The following DLG2 variants were observed in gnomAD, a reference collection of about 807,000 sequenced individuals.
The protein encoded by DLG2 is disks large homolog 2.
In DLG2, 45 loss-of-function variants were observed where a neutral mutation model predicts 132.5. The ratio of observed to expected loss-of-function variants is 0.34; its 90% CI spans 0.27 to 0.44. The LOEUF is 0.44. Ranked by LOEUF, DLG2 falls within the 20% of genes least tolerant of loss-of-function variation. DLG2 has a pLI of 1.00. For missense variants in DLG2, 1,045 were observed against 1,196.9 expected (o/e 0.87, Z 1.87); for synonymous variants, 424 against 419.6 (o/e 1.01, Z -0.13).
chr11:84,349,620 T>A (rs372775795), intron 7 of DLG2, among the ~76,000 whole-genome samples: 1 of 152,200 alleles, frequency 6.6e-6, no homozygotes, highest in Non-Finnish European at 1.5e-5. Context: ...TGTGCCATAG[T>A]GACTATAAAT....
At chr11:85,111,391 C>T (rs1207462632) in intron 6 of DLG2, among the ~76,000 whole-genome samples, 1 of 152,162 alleles carries the variant, frequency 6.6e-6, no homozygotes, top group East Asian at 1.9e-4. Context: ...CAAATATATT[C>T]GTTTTAATGA....
chr11:83,771,081 A>T (rs2094373899), intron 18 of DLG2, among the ~76,000 whole-genome samples: 1 of 152,142 alleles, frequency 6.6e-6, no homozygotes. Flanking sequence ...TAATCTTCAC[A>T]TCTTCATTTC....
At chr11:84,207,962 A>T (rs1011067169) in intron 8 of DLG2, among the ~76,000 whole-genome samples, 3 of 152,180 alleles carry the variant, frequency 2.0e-5, no homozygotes, top group African/African-American at 7.2e-5. Flanking sequence ...TACATGGGGA[A>T]AAAAGGCTCA....
chr11:85,546,799 G>C (rs1465436449), intron 3 of DLG2, among the ~76,000 whole-genome samples: 1 of 143,972 alleles, frequency 6.9e-6, no homozygotes, highest in Non-Finnish European at 1.5e-5. Flanking sequence ...TTTTATCAGA[G>C]ACTAGGATAT....
chr11:84,681,660 G>A (rs1296624391), intron 6 of DLG2, among the ~76,000 whole-genome samples: 1 of 152,068 alleles, frequency 6.6e-6, no homozygotes. Context: ...GGAATCTGCA[G>A]ATGAGACAAT....
At chr11:85,214,398 T>G (rs1053102177) in intron 4 of DLG2, among the ~76,000 whole-genome samples, 2 of 152,096 alleles carry the variant, frequency 1.3e-5, no homozygotes, top group Admixed American at 6.6e-5. Flanking sequence ...ATTTCTCAAC[T>G]AAATAAAGAA....
At chr11:84,900,972 C>T (rs2090811530) in intron 6 of DLG2, among the ~76,000 whole-genome samples, 3 of 151,942 alleles carry the variant, frequency 2.0e-5, no homozygotes, top group Non-Finnish European at 2.9e-5. Flanking sequence ...TTTTTCCTTC[C>T]AGCCTTTCTT....
intron 3 of DLG2, among the ~76,000 whole-genome samples, chr11:85,482,145 C>G (rs1165287944): frequency 6.6e-6 from 1 of 151,854 alleles, no homozygotes; most frequent in Non-Finnish European, 1.5e-5. Context: ...TGCCAAAGTC[C>G]CAAGCTTCAG....
In DLG2 at chr11:84,626,662, A is replaced by C. The variant is rs1430171981; in HGVS notation, c.358-91931T>G. Reference sequence around the variant, plus strand: ...GCTTATAAAATCAGCAACAAGGCTGAAGGTAGGGAAACACAAAGTTAGCTC... The same window carrying C: ...GCTTATAAAATCAGCAACAAGGCTGCAGGTAGGGAAACACAAAGTTAGCTC... On this transcript the variant is annotated intron_variant, in intron 6 of 27. Transcript: ENST00000376104. 2.6e-5 allele frequency among the ~76,000 whole-genome samples: 4 copies of C among 152,288 alleles called. No homozygotes were observed. The East Asian group carries it at 7.7e-4, about 29-fold the overall frequency.
At chr11:84,235,590 G>C (rs774993845) in intron 8 of DLG2, among the ~76,000 whole-genome samples, 7 of 152,020 alleles carry the variant, frequency 4.6e-5, no homozygotes, top group Non-Finnish European at 8.8e-5. Flanking sequence ...TTCACAACAT[G>C]TATACTCGCA....
chr11:84,821,283 C>A (rs1310200438), intron 6 of DLG2, among the ~76,000 whole-genome samples: 1 of 151,692 alleles, frequency 6.6e-6, no homozygotes, highest in Non-Finnish European at 1.5e-5. Context: ...GAACTCTGAT[C>A]ATGATCTGTA....
chr11:84,660,084 T>C (rs937594771), intron 6 of DLG2, among the ~76,000 whole-genome samples: 2 of 152,000 alleles, frequency 1.3e-5, no homozygotes, highest in African/African-American at 4.8e-5. Flanking sequence ...CATCACATAC[T>C]GTTCATAAGG....
chr11:85,524,775 T>C (rs1402517967), intron 3 of DLG2, among the ~76,000 whole-genome samples: 2 of 152,156 alleles, frequency 1.3e-5, no homozygotes, highest in Non-Finnish European at 2.9e-5. Context: ...ATTAGAGGTG[T>C]AAGCCACTGT....
chr11:84,804,689 A>G (rs75656060), intron 6 of DLG2, among the ~76,000 whole-genome samples: 3,682 of 152,308 alleles, frequency 0.024, 162 homozygotes, highest in African/African-American at 0.085. Flanking sequence ...AAGGTCCAGG[A>G]AAAGGCAGAA....
At chr11:84,371,035 G>A (rs1247993667) in intron 7 of DLG2, among the ~76,000 whole-genome samples, 9 of 151,996 alleles carry the variant, frequency 5.9e-5, no homozygotes, top group African/African-American at 1.9e-4. Flanking sequence ...GCCTACTTAT[G>A]TCCAAAGGAC....
chr11:83,708,801 C>A (rs1304790444), intron 18 of DLG2, among the ~76,000 whole-genome samples: 1 of 151,884 alleles, frequency 6.6e-6, no homozygotes, highest in African/African-American at 2.4e-5. Flanking sequence ...AAGGAAGAAA[C>A]TGGGGGATAG....
At chr11:84,842,364 T>C (rs1367962429) in intron 6 of DLG2, among the ~76,000 whole-genome samples, 2 of 151,986 alleles carry the variant, frequency 1.3e-5, no homozygotes, top group African/African-American at 2.4e-5. Context: ...TAATGCATGA[T>C]GTGCAGGATT....
chr11:84,184,697 G>C (rs1252120511), intron 8 of DLG2, among the ~76,000 whole-genome samples: 3 of 152,162 alleles, frequency 2.0e-5, no homozygotes, highest in African/African-American at 7.2e-5. Context: ...GGTTTTTATG[G>C]TTTTAGGTCT....
chr11:85,553,432 C>T (rs937058556), intron 3 of DLG2, among the ~76,000 whole-genome samples: 1 of 150,174 alleles, frequency 6.7e-6, no homozygotes, highest in Non-Finnish European at 1.5e-5. Flanking sequence ...ATATGTTGGA[C>T]TATAACAAGT....
Sources: gnomAD v4.1 joint callset for allele counts (sites outside exome capture counted in the v4.1 genomes callset) on GRCh38, gnomAD v4.1.1 for gene constraint, MANE v1.5 for transcripts, NCBI Gene and HGNC (gene_info 2026-07-23, HGNC 2026-07-21) for gene names.